GSE1: variants seen among roughly 807,000 people sequenced by gnomAD.
GSE1 encodes the protein genetic suppressor element 1.
Under a neutral mutation model 112.6 loss-of-function variants are expected in GSE1, and 32 were observed. The observed-to-expected ratio is 0.28, with a 90% confidence interval of 0.21 to 0.38. The LOEUF is 0.38. GSE1 is among the 10% of genes least tolerant of loss of function. GSE1 has a pLI of 1.00. For synonymous variants in GSE1, 1,115 were observed against 735.6 expected, an observed-to-expected ratio of 1.52 and a Z score of -8.35; for missense variants, 2,348 against 1,699.2, an observed-to-expected ratio of 1.38 and a Z score of -6.71.
At chr16:85,374,687 G>C (rs192650917) in intron 2 of GSE1, among the ~76,000 whole-genome samples, 31 of 152,300 alleles carry the variant, frequency 2.0e-4, no homozygotes, top group African/African-American at 7.0e-4. Context: ...GACCCTGGAG[G>C]GGGTAGGGGG....
chr16:85,384,338 C>T (rs1234897694), intron 2 of GSE1, among the ~76,000 whole-genome samples: 3 of 152,188 alleles, frequency 2.0e-5, no homozygotes, highest in East Asian at 1.9e-4. Context: ...TTGCCCATAG[C>T]GTGGCAGATG....
At chr16:85,479,108 G>C (rs555832805) in intron 2 of GSE1, among the ~76,000 whole-genome samples, 49 of 144,084 alleles carry the variant, frequency 3.4e-4, no homozygotes, top group African/African-American at 1.2e-3. Flanking sequence ...TGCAAACTCT[G>C]CCTCCCGGGT....
At chr16:85,636,657 G>A (rs2050023468) in intron 2 of GSE1, among the ~76,000 whole-genome samples, 1 of 149,148 alleles carries the variant, frequency 6.7e-6, no homozygotes, top group African/African-American at 2.5e-5. Context: ...GGGTGGGGTC[G>A]TGTCCGTGTC....
rs1422746566 is a variant in GSE1 at position 85,519,555 on chromosome 16, TCACTATCATCATCAC to T, written c.2465-114356_2465-114342del. 3.7e-3 allele frequency among the ~76,000 whole-genome samples: 54 copies of T among 14,680 alleles called. 13 individuals are homozygous for T. The East Asian group carries it at 0.32, about 88-fold the overall frequency. 9.6% of individuals were successfully genotyped at this position (14,680 alleles called of 152,430 possible). ...ACCACCATCATCACTATTACCACCA[TCACTATCATCATCAC>T]CATCACCAGTCTCCATCATCATCAC... On this transcript the variant is annotated intron_variant, in intron 2 of 2. Transcript: ENST00000637419.
intron 1 of GSE1, among the ~76,000 whole-genome samples, chr16:85,181,338 A>T (rs1356801187): frequency 6.6e-6 from 1 of 152,084 alleles, no homozygotes; most frequent in Non-Finnish European, 1.5e-5. Context: ...AACTTAAGAG[A>T]GTTCGGGGTG....
At chr16:85,642,959 G>A (rs926551696) in intron 2 of GSE1, among the ~76,000 whole-genome samples, 2 of 152,148 alleles carry the variant, frequency 1.3e-5, no homozygotes, top group African/African-American at 4.8e-5. Context: ...GTCCTGTGGC[G>A]TGGCCCCCAA....
chr16:85,281,767 G>A (rs573390867), intron 1 of GSE1, among the ~76,000 whole-genome samples: 1 of 152,276 alleles, frequency 6.6e-6, no homozygotes, highest in East Asian at 1.9e-4. Context: ...GTGGGAGGAT[G>A]GAGAGCATGT....
At chr16:85,302,129 G>T (rs2968426) in intron 1 of GSE1, among the ~76,000 whole-genome samples, 1 of 152,046 alleles carries the variant, frequency 6.6e-6, no homozygotes, top group Non-Finnish European at 1.5e-5. Context: ...TTCCCGTCTT[G>T]GAATGTCACC....
chr16:85,575,977 G>A (rs2046213520), intron 1 of GSE1, among the ~76,000 whole-genome samples: 1 of 151,084 alleles, frequency 6.6e-6, no homozygotes, highest in African/African-American at 2.4e-5. Context: ...GGTTTTGAAG[G>A]TGCTCCTGGT....
intron 2 of GSE1, among the ~76,000 whole-genome samples, chr16:85,457,737 G>A (rs116757167): frequency 0.048 from 7,358 of 152,348 alleles, 574 homozygotes; most frequent in African/African-American, 0.17. Context: ...CAGCCCGGCT[G>A]GGCAGAGTGG....
chr16:85,330,719 C>T (rs991289084), intron 1 of GSE1, among the ~76,000 whole-genome samples: 1 of 152,192 alleles, frequency 6.6e-6, no homozygotes. Context: ...CGACATCTGC[C>T]CGGATCCCAG....
At chr16:85,413,457 C>T (rs2048630997) in intron 2 of GSE1, among the ~76,000 whole-genome samples, 1 of 151,982 alleles carries the variant, frequency 6.6e-6, no homozygotes, top group Non-Finnish European at 1.5e-5. Context: ...GACCGTGGAG[C>T]ACCATCTTCC....
chr16:85,333,002 C>A (rs892003794), intron 1 of GSE1, among the ~76,000 whole-genome samples: 39 of 152,094 alleles, frequency 2.6e-4, no homozygotes, highest in African/African-American at 8.7e-4. Flanking sequence ...CAGAGGCCAC[C>A]AGAGACCATC....
At chr16:85,624,880 C>T (rs909820954) in intron 1 of GSE1, among the ~76,000 whole-genome samples, 4 of 152,186 alleles carry the variant, frequency 2.6e-5, no homozygotes, top group African/African-American at 7.2e-5. Context: ...GGTGAGCCCC[C>T]GGCTCTGTCT....
intron 1 of GSE1, among the ~76,000 whole-genome samples, chr16:85,587,528 C>T (rs572564637): frequency 7.2e-4 from 110 of 152,134 alleles, no homozygotes; most frequent in African/African-American, 2.6e-3. Flanking sequence ...GGGGACACAG[C>T]GGGGGCTTCA....
At chr16:85,484,193 G>A (rs1003257165) in intron 2 of GSE1, among the ~76,000 whole-genome samples, 5 of 152,200 alleles carry the variant, frequency 3.3e-5, no homozygotes, top group South Asian at 4.1e-4. Context: ...CAACTGGGAC[G>A]GTGAGCAAGA....
At chr16:85,659,535 C>T (rs2052259113) in intron 8 of GSE1, 1 of 152,316 alleles carries the variant, frequency 6.6e-6, no homozygotes, top group South Asian at 2.1e-4. Flanking sequence ...GAGCGGGGGA[C>T]CACCAGGTTG....
intron 1 of GSE1, among the ~76,000 whole-genome samples, chr16:85,188,770 C>T (rs1288361926): frequency 2.0e-5 from 3 of 151,452 alleles, no homozygotes; most frequent in Admixed American, 1.3e-4. Flanking sequence ...CACTGCACTC[C>T]AGCCTGGGTG....
At chr16:85,443,883 T>C (rs1204525617) in intron 2 of GSE1, among the ~76,000 whole-genome samples, 1 of 150,544 alleles carries the variant, frequency 6.6e-6, no homozygotes, top group East Asian at 2.0e-4. Context: ...CAGTGACCTA[T>C]GGCGACCAGA....
Sources: gnomAD v4.1 joint callset for allele counts (sites outside exome capture counted in the v4.1 genomes callset) on GRCh38, gnomAD v4.1.1 for gene constraint, MANE v1.5 for transcripts, NCBI Gene and HGNC (gene_info 2026-07-23, HGNC 2026-07-21) for gene names.